CADM1: variants seen among roughly 807,000 people sequenced by gnomAD.
CADM1 encodes cell adhesion molecule 1.
In CADM1, 15 loss-of-function variants were observed where a neutral mutation model predicts 53.1. That is an observed-to-expected ratio of 0.28 (90% CI 0.19 to 0.44). The LOEUF (loss-of-function observed/expected upper bound fraction) is 0.44. Among genes scored for constraint, CADM1 ranks in the 20% least tolerant of loss-of-function variants. CADM1 has a pLI of 1.00. For synonymous variants in CADM1, 281 were observed against 243.0 expected (o/e 1.16, Z -1.45); for missense variants, 434 against 611.3 (o/e 0.71, Z 3.06).
intron 3 of CADM1, among the ~76,000 whole-genome samples, chr11:115,233,273 G>A (rs541112688): frequency 6.6e-6 from 1 of 151,882 alleles, no homozygotes; most frequent in East Asian, 1.9e-4. Flanking sequence ...AGTTAAACAT[G>A]GCAAAGAACT....
At chr11:115,485,678 G>A (rs1407367928) in intron 1 of CADM1, among the ~76,000 whole-genome samples, 1 of 152,096 alleles carries the variant, frequency 6.6e-6, no homozygotes, top group African/African-American at 2.4e-5. Context: ...TTTGTCTTCT[G>A]CCATGATTGT....
At chr11:115,192,602 C>T (rs1591591168) in intron 9 of CADM1, among the ~76,000 whole-genome samples, 1 of 152,338 alleles carries the variant, frequency 6.6e-6, no homozygotes, top group East Asian at 1.9e-4. Flanking sequence ...AGGCTAATCT[C>T]TCACTTCTAC....
chr11:115,503,761 G>C (rs1040335934), intron 1 of CADM1, among the ~76,000 whole-genome samples: 1 of 152,058 alleles, frequency 6.6e-6, no homozygotes, highest in Non-Finnish European at 1.5e-5. Context: ...GATGTCCTGG[G>C]GACCGGGGAG....
At chr11:115,416,655 T>C (rs904121639) in intron 1 of CADM1, among the ~76,000 whole-genome samples, 1 of 151,290 alleles carries the variant, frequency 6.6e-6, no homozygotes, top group African/African-American at 2.4e-5. Context: ...TCCAAGACTG[T>C]AGCCTCAAAC....
chr11:115,369,026 T>TAAAAAAAAAAAAAAAAAAAAAAAAA (rs552309443), intron 1 of CADM1, among the ~76,000 whole-genome samples: 3 of 44,746 alleles, frequency 6.7e-5, no homozygotes, highest in Non-Finnish European at 1.2e-4. Flanking sequence ...AAAAAAAATC[T>TAAAAAAAAAAAAAAAAAAAAAAAAA]AAAAAAAAAA....
chr11:115,321,890 T>C (rs966480571), intron 1 of CADM1, among the ~76,000 whole-genome samples: 2 of 152,146 alleles, frequency 1.3e-5, no homozygotes, highest in Non-Finnish European at 1.5e-5. Flanking sequence ...TTAATTAAAC[T>C]AAAACTGGTA....
intron 1 of CADM1, among the ~76,000 whole-genome samples, chr11:115,418,339 T>C (rs913053156): frequency 3.3e-5 from 5 of 152,200 alleles, no homozygotes; most frequent in Non-Finnish European, 7.3e-5. Context: ...TCTACTAGTC[T>C]ACTGCTTCAT....
At chr11:115,273,783 G>A (rs1224534493) in intron 1 of CADM1, among the ~76,000 whole-genome samples, 3 of 152,178 alleles carry the variant, frequency 2.0e-5, no homozygotes, top group African/African-American at 4.8e-5. Flanking sequence ...TGGTTTTACA[G>A]TTATAAACTC....
At position 115,206,974 on chromosome 11, in the gene CADM1, C is replaced by T. The variant is rs1388663431; in HGVS notation, c.1078+2600G>A. Among the ~76,000 whole-genome samples the T allele has an allele frequency of 2.0e-5, 3 of 151,454 alleles. No individual in the cohort carries two copies. In the East Asian group the frequency reaches 5.8e-4, roughly 29 times the overall value. ...ATCTAAATCTAGGGGATAGCCTGGA[C>T]CTTTAAAATGGGACACAGAATCATT... On this transcript the variant is annotated intron_variant, in intron 8 of 11. Transcript: ENST00000331581.
intron 10 of CADM1, among the ~76,000 whole-genome samples, chr11:115,187,721 G>A (rs1939635018): frequency 6.6e-6 from 1 of 152,206 alleles, no homozygotes; most frequent in African/African-American, 2.4e-5. Context: ...GATTACAGGT[G>A]TGAGCCATCG....
intron 1 of CADM1, among the ~76,000 whole-genome samples, chr11:115,328,692 GTATATATA>G (rs1302621004): frequency 0.057 from 994 of 17,514 alleles, 242 homozygotes; most frequent in African/African-American, 0.26. Flanking sequence ...ATATATATGT[GTATATATA>G]TGTATATATA....
chr11:115,377,933 C>G (rs535406509), intron 1 of CADM1: 1 of 152,246 alleles, frequency 6.6e-6, no homozygotes, highest in East Asian at 1.9e-4. Context: ...CAAAAAGACA[C>G]TGCCAACCTT....
At chr11:115,481,446 C>A (rs550396357) in intron 1 of CADM1, among the ~76,000 whole-genome samples, 1 of 152,168 alleles carries the variant, frequency 6.6e-6, no homozygotes, top group African/African-American at 2.4e-5. Context: ...TCTTCTTCTG[C>A]CTACCTTTAA....
rs1368656924 is a variant in CADM1 at position 115,173,948 on chromosome 11, C to T, written c.*2526G>A. On this transcript the variant is annotated 3_prime_UTR_variant, in exon 12 of 12. Coordinates refer to ENST00000331581, the MANE Select transcript of CADM1 (RefSeq NM_001301043.2). ...TCTTCACTCTAAAAAAAGTGATCAA[C>T]CTGTACAAAGTAATACTCAACAATA... The T allele has an allele frequency of 1.0e-6, 1 of 968,948 alleles. No homozygotes were observed. The highest frequency in any genetic ancestry group is 1.2e-6 in the Non-Finnish European group (1 of 815,130). 60.0% of individuals were successfully genotyped at this position (968,948 alleles called of 1,614,324 possible).
intron 1 of CADM1, among the ~76,000 whole-genome samples, chr11:115,311,701 A>T (rs1944536563): frequency 6.6e-6 from 1 of 152,140 alleles, no homozygotes; most frequent in African/African-American, 2.4e-5. Context: ...GAGAGTGGGC[A>T]TGGAGCTTGC....
chr11:115,212,139 G>A (rs1940993155), intron 7 of CADM1, among the ~76,000 whole-genome samples: 1 of 151,024 alleles, frequency 6.6e-6, no homozygotes, highest in African/African-American at 2.5e-5. Flanking sequence ...GTACAGAGTT[G>A]GAGTTAATGA....
At chr11:115,460,536 T>C (rs1023282110) in intron 1 of CADM1, among the ~76,000 whole-genome samples, 3 of 152,172 alleles carry the variant, frequency 2.0e-5, no homozygotes, top group African/African-American at 7.2e-5. Flanking sequence ...TCTGAAGATC[T>C]CTAAATGCAC....
intron 1 of CADM1, among the ~76,000 whole-genome samples, chr11:115,407,650 T>C (rs1947349237): frequency 6.6e-6 from 1 of 151,740 alleles, no homozygotes; most frequent in Admixed American, 6.6e-5. Context: ...TCCCAACACT[T>C]TGGGAGGCAG....
At chr11:115,303,117 G>A (rs1019674362) in intron 1 of CADM1, among the ~76,000 whole-genome samples, 2 of 152,040 alleles carry the variant, frequency 1.3e-5, no homozygotes, top group Non-Finnish European at 2.9e-5. Flanking sequence ...GTTCAGATGG[G>A]TGTGGTACAA....
Sources: allele counts gnomAD v4.1 joint callset (sites outside exome capture counted in the v4.1 genomes callset), GRCh38; gene constraint gnomAD v4.1.1; transcripts MANE v1.5; gene names NCBI Gene and HGNC (gene_info 2026-07-23, HGNC 2026-07-21).